APP: variants seen among roughly 807,000 people sequenced by gnomAD.
APP encodes the protein amyloid-beta precursor protein.
Under a neutral mutation model 101.4 loss-of-function variants are expected in APP, and 31 were observed. That is an observed-to-expected ratio of 0.31 (90% CI 0.23 to 0.41). APP has a LOEUF of 0.41. APP is among the 10% of genes least tolerant of loss of function. APP has a pLI of 1.00. For synonymous variants in APP, 366 were observed against 364.4 expected, an observed-to-expected ratio of 1.00 and a Z score of -0.05; for missense variants, 839 against 1,003.7, an observed-to-expected ratio of 0.84 and a Z score of 2.22.
chr21:26,117,287 T>C (rs1198450463), intron 1 of APP, among the ~76,000 whole-genome samples: 1 of 152,258 alleles, frequency 6.6e-6, no homozygotes, highest in African/African-American at 2.4e-5. Flanking sequence ...GTGCTTTACA[T>C]TTTCATATTA....
At chr21:26,146,225 A>G (rs779058644) in intron 1 of APP, among the ~76,000 whole-genome samples, 7 of 152,172 alleles carry the variant, frequency 4.6e-5, no homozygotes, top group Non-Finnish European at 8.8e-5. Flanking sequence ...AATCCCAGGT[A>G]CTCGGGAGGC....
rs917763644 is a variant in APP, at chr21:26,090,679, A to G, written c.226-607T>C. 4.6e-5 allele frequency among the ~76,000 whole-genome samples: 7 copies of G among 152,334 alleles called. 1 individual carries two copies. In the South Asian group the frequency reaches 1.2e-3, roughly 27 times the overall value. On this transcript the variant is annotated intron_variant, in intron 2 of 17. Coordinates refer to ENST00000346798, the MANE Select transcript of APP (RefSeq NM_000484.4). ...AGGATAATAGTCTGTAATGTCCTAAACAAACGTTACAGTAGATATGGCTGG... is the reference window on the plus strand; with the variant it reads ...AGGATAATAGTCTGTAATGTCCTAAGCAAACGTTACAGTAGATATGGCTGG...
chr21:26,050,560 CA>C (rs371900538), intron 5 of APP, among the ~76,000 whole-genome samples: 11 of 149,572 alleles, frequency 7.4e-5, no homozygotes, highest in South Asian at 4.2e-4. Flanking sequence ...GATAAAAGGC[CA>C]AAAAAAAACC....
intron 3 of APP, among the ~76,000 whole-genome samples, chr21:26,086,579 T>C (rs2061709841): frequency 6.6e-6 from 1 of 152,014 alleles, no homozygotes; most frequent in East Asian, 1.9e-4. Context: ...AAAAAACTCT[T>C]GTCTAAAACA....
At chr21:25,891,684 T>C in intron 17 of APP, 38 bp downstream of exon 17, 1 of 1,608,868 alleles carries the variant, frequency 6.2e-7, no homozygotes, top group Non-Finnish European at 8.5e-7. Flanking sequence ...CTCATAGTCT[T>C]AATTCCCACT....
chr21:26,113,358 GT>G (rs2146209989), intron 1 of APP, among the ~76,000 whole-genome samples: 1 of 152,292 alleles, frequency 6.6e-6, no homozygotes, highest in South Asian at 2.1e-4. Flanking sequence ...AAATGAAACA[GT>G]TTCCAAACAT....
chr21:26,113,269 T>C (rs1489668243), intron 1 of APP, among the ~76,000 whole-genome samples: 5 of 152,204 alleles, frequency 3.3e-5, no homozygotes, highest in Non-Finnish European at 7.3e-5. Flanking sequence ...GATTCCACGA[T>C]AACTTGTATC....
intron 8 of APP, among the ~76,000 whole-genome samples, chr21:25,987,753 A>T (rs777168812): frequency 6.6e-6 from 1 of 152,216 alleles, no homozygotes; most frequent in Non-Finnish European, 1.5e-5. Context: ...AGCAGCTCTG[A>T]CATGGACAAA....
intron 3 of APP, among the ~76,000 whole-genome samples, chr21:26,073,773 A>G (rs539579651): frequency 6.6e-6 from 1 of 152,346 alleles, no homozygotes; most frequent in Non-Finnish European, 1.5e-5. Flanking sequence ...AGCTGTGTGC[A>G]CAGATGCCCA....
intron 5 of APP, among the ~76,000 whole-genome samples, chr21:26,044,685 A>C (rs12626857): frequency 0.17 from 26,082 of 152,026 alleles, 2,536 homozygotes; most frequent in South Asian, 0.24. Context: ...GATTACAGGC[A>C]TGCGCCACCA....
In APP at chr21:25,975,939, G is replaced by T. The variant is rs746514532; in HGVS notation, c.1299+15C>A. ...TGGCATGTGATGTTTGGTAGGAAAT[G>T]GGTTCAGGTTTTACCTGGATAACTG... is the stretch of plus-strand genomic sequence containing the variant. On this transcript the variant is annotated intron_variant, in intron 10 of 17. Coordinates refer to ENST00000346798, the MANE Select transcript of APP (RefSeq NM_000484.4). The T allele has an allele frequency of 1.2e-6, 2 of 1,608,858 alleles. No homozygotes were observed. Among genetic ancestry groups the T allele is most frequent in the Non-Finnish European group, 1.7e-6 (2 of 1,175,378 alleles).
chr21:25,975,317 ATTT>A (rs2042185741), intron 10 of APP, 89 bp from the exon 11 acceptor site: 1 of 1,545,170 alleles, frequency 6.5e-7, no homozygotes, highest in Non-Finnish European at 8.9e-7. Flanking sequence ...ATCCTATTCC[ATTT>A]TCTTCTAGTG....
intron 1 of APP, among the ~76,000 whole-genome samples, chr21:26,146,460 T>C (rs910582080): frequency 4.6e-5 from 7 of 152,278 alleles, no homozygotes; most frequent in Non-Finnish European, 1.0e-4. Context: ...CATATCTTCA[T>C]AGGTTTATTG....
At chr21:25,934,223 G>C in intron 13 of APP, 1 of 152,152 alleles carries the variant, frequency 6.6e-6, no homozygotes, top group Admixed American at 6.5e-5. Context: ...AGCTGTAAGA[G>C]GCAGTGTGGC....
intron 3 of APP, among the ~76,000 whole-genome samples, chr21:26,072,886 T>C (rs919869313): frequency 6.6e-6 from 1 of 152,156 alleles, no homozygotes; most frequent in African/African-American, 2.4e-5. Flanking sequence ...CAGAGAAAAA[T>C]GGAATAACAG....
chr21:26,017,092 G>A (rs1210592061), intron 6 of APP, among the ~76,000 whole-genome samples: 2 of 151,008 alleles, frequency 1.3e-5, no homozygotes, highest in African/African-American at 2.4e-5. Flanking sequence ...CCAGCTACTC[G>A]GGAGGCTGAA....
At chr21:26,102,688 C>T (rs866301239) in intron 2 of APP, among the ~76,000 whole-genome samples, 21 of 151,728 alleles carry the variant, frequency 1.4e-4, no homozygotes, top group Admixed American at 1.2e-3. Context: ...GTCAGGAGTT[C>T]GAGACCAGCC....
chr21:26,118,536 T>G (rs1401594408), intron 1 of APP, among the ~76,000 whole-genome samples: 1 of 152,060 alleles, frequency 6.6e-6, no homozygotes, highest in Non-Finnish European at 1.5e-5. Context: ...GTCTTTACAG[T>G]TTTTCTGTGT....
chr21:26,157,162 T>TGGGTTCAA (rs904468791), intron 1 of APP, among the ~76,000 whole-genome samples: 125 of 152,246 alleles, frequency 8.2e-4, no homozygotes, highest in African/African-American at 2.8e-3. Context: ...CTCCGCCTCC[T>TGGGTTCAA]GGGTTCAAGG....
Sources: allele counts gnomAD v4.1 joint callset (sites outside exome capture counted in the v4.1 genomes callset), GRCh38; gene constraint gnomAD v4.1.1; transcripts MANE v1.5; gene names NCBI Gene and HGNC (gene_info 2026-07-23, HGNC 2026-07-21).